PDZD2: variants seen among roughly 807,000 people sequenced by gnomAD.
PDZD2 encodes the protein PDZ domain-containing protein 2.
In PDZD2, 90 loss-of-function variants were observed where a neutral mutation model predicts 220.7. That is an observed-to-expected ratio of 0.41 (90% CI 0.34 to 0.49). The LOEUF is 0.49. PDZD2 is among the 20% of genes least tolerant of loss of function. The probability of loss-of-function intolerance (pLI) is 0.28; values close to 1 mark genes in which losing one functional copy is unlikely to be tolerated. For synonymous variants in PDZD2, 1,375 were observed against 1,450.5 expected, an observed-to-expected ratio of 0.95 and a Z score of 1.18; for missense variants, 3,174 against 3,608.5, an observed-to-expected ratio of 0.88 and a Z score of 3.08.
chr5:32,087,338 C>T lies in PDZD2; in HGVS notation c.3890C>T (p.Ala1297Val), dbSNP rs1444069183. The T allele has an allele frequency of 3.7e-6, 6 of 1,613,970 alleles. No homozygotes were observed. The highest frequency in any genetic ancestry group is 1.3e-5 in the African/African-American group (1 of 75,052). The change falls in exon 20 of 25, where the codon GCG (alanine) becomes GTG (valine). Residue 1297 changes from alanine (A) to valine (V), a missense_variant. Around this residue, in one of 4 missense-constraint regions of PDZD2, gnomAD observed 1,861 missense variants for 2,001.0 expected, o/e 0.93. Coordinates refer to ENST00000438447, the MANE Select transcript of PDZD2 (RefSeq NM_178140.4). This position sits in a 1 kb window ranked among gnomAD's most constrained non-coding sequence, Gnocchi z 4.0. Reference sequence around the variant, plus strand: ...AGCCCCTCCCCGGGGGAGAAAGCAGCGGCTCCCCCTGACTACAGCAAGACT... The same window carrying T: ...AGCCCCTCCCCGGGGGAGAAAGCAGTGGCTCCCCCTGACTACAGCAAGACT... ...EGSPSPGEKA[A>V]APPDYSKTRS... is the part of the protein sequence containing the mutation.
At chr5:31,967,404 C>T (rs1205300733) in intron 2 of PDZD2, among the ~76,000 whole-genome samples, 3 of 152,084 alleles carry the variant, frequency 2.0e-5, no homozygotes, top group Non-Finnish European at 2.9e-5. Flanking sequence ...CTTACTGGCC[C>T]GTTGTGACCT....
chr5:31,823,152 GGCAA>G, intron 2 of PDZD2: 1 of 98,040 alleles, frequency 1.0e-5, no homozygotes. Flanking sequence ...CAGTAGACGT[GGCAA>G]AAAAAAAAAA....
intron 1 of PDZD2, among the ~76,000 whole-genome samples, chr5:31,716,333 G>A (rs756389200): frequency 2.6e-5 from 4 of 152,188 alleles, no homozygotes; most frequent in Non-Finnish European, 4.4e-5. Context: ...CATGAAGAAA[G>A]AAGCTTATAC....
chr5:31,739,555 T>C (rs534669573), intron 1 of PDZD2, among the ~76,000 whole-genome samples: 1 of 151,968 alleles, frequency 6.6e-6, no homozygotes, highest in South Asian at 2.1e-4. Flanking sequence ...TAGCAGAAAA[T>C]GGGATTAAAA....
chr5:32,089,795 G>T lies in PDZD2; in HGVS notation c.6347G>T (p.Gly2116Val), dbSNP rs773494223. 1.4e-5 allele frequency: 22 copies of T among 1,614,104 alleles called. No individual in the cohort carries two copies. In the South Asian group the frequency reaches 2.4e-4, roughly 18 times the overall value. ...GNKPAESDRR[G>V]GCLAQGNCQE... ...AAGCCAGCTGAAAGCGACAGACGGGGAGGGTGCTTGGCCCAGGGCAACTGT... is the reference window on the plus strand; with the variant it reads ...AAGCCAGCTGAAAGCGACAGACGGGTAGGGTGCTTGGCCCAGGGCAACTGT... The change falls in exon 20 of 25, where the codon GGA becomes GTA. Residue 2116 changes from glycine (G) to valine (V), a missense_variant. Transcript: ENST00000438447.
chr5:31,960,942 G>C (rs1456396494), intron 2 of PDZD2, among the ~76,000 whole-genome samples: 1 of 152,122 alleles, frequency 6.6e-6, no homozygotes, highest in East Asian at 1.9e-4. Context: ...TGTAGGGACC[G>C]ACTGACTTAT....
chr5:31,988,515 G>T (rs899392146), intron 3 of PDZD2, among the ~76,000 whole-genome samples: 3 of 150,890 alleles, frequency 2.0e-5, no homozygotes, highest in Admixed American at 6.6e-5. Flanking sequence ...CACCATCCTG[G>T]AAGCTCTCCA....
intron 2 of PDZD2, among the ~76,000 whole-genome samples, chr5:31,825,820 G>A (rs1044837395): frequency 2.0e-5 from 3 of 152,122 alleles, no homozygotes; most frequent in African/African-American, 7.2e-5. Flanking sequence ...CTTGCTTTAC[G>A]TATATTGTAT....
At chr5:31,680,672 T>C (rs1249568422) in intron 1 of PDZD2, among the ~76,000 whole-genome samples, 1 of 152,186 alleles carries the variant, frequency 6.6e-6, no homozygotes, top group Non-Finnish European at 1.5e-5. Context: ...AGGCTTGTTG[T>C]GGCTCTGCAG....
chr5:31,851,666 C>T (rs1427033288), intron 2 of PDZD2, among the ~76,000 whole-genome samples: 1 of 152,144 alleles, frequency 6.6e-6, no homozygotes, highest in East Asian at 1.9e-4. Flanking sequence ...TTAAACCAGA[C>T]CCAAGACAAA....
chr5:31,705,175 TACACACACACACAC>T (rs755393785), intron 1 of PDZD2, among the ~76,000 whole-genome samples: 1 of 84,176 alleles, frequency 1.2e-5, no homozygotes, highest in Non-Finnish European at 2.2e-5. Flanking sequence ...AATACATGTA[TACACACACACACAC>T]ACACACACAC....
At chr5:31,845,166 G>A (rs1196069982) in intron 2 of PDZD2, among the ~76,000 whole-genome samples, 1 of 152,142 alleles carries the variant, frequency 6.6e-6, no homozygotes, top group Non-Finnish European at 1.5e-5. Context: ...CGGGGATAGG[G>A]GAAGGGTGTG....
At chr5:31,905,484 C>T (rs190875619) in intron 2 of PDZD2, among the ~76,000 whole-genome samples, 3 of 152,152 alleles carry the variant, frequency 2.0e-5, no homozygotes, top group Non-Finnish European at 4.4e-5. Flanking sequence ...AATCTTCCTC[C>T]GTGTTCTTGG....
In PDZD2 at chr5:31,858,976, A is replaced by G. The variant is rs546310687; in HGVS notation, c.476+59252A>G. On this transcript the variant is annotated intron_variant, in intron 2 of 24. Coordinates refer to ENST00000438447, the MANE Select transcript of PDZD2 (RefSeq NM_178140.4). ...TGAAGTGATCCGCCTCAGCCTCCCA[A>G]AGTGCTGGGATTACAGATGTGAGCC... is the stretch of plus-strand genomic sequence containing the variant. 2.6e-5 allele frequency among the ~76,000 whole-genome samples: 4 copies of G among 152,140 alleles called. No homozygotes were observed. In the East Asian group the frequency reaches 5.8e-4, roughly 22 times the overall value.
rs562466652 is a variant in PDZD2, at chr5:32,016,894, A to G, written c.1407+6412A>G. ...TCGTAGTGACATTGTTATTCAAGTGACAGCTCATTTAATGTCATCCTCCAT... is the reference window on the plus strand; with the variant it reads ...TCGTAGTGACATTGTTATTCAAGTGGCAGCTCATTTAATGTCATCCTCCAT... On this transcript the variant is annotated intron_variant, in intron 6 of 24. Coordinates refer to ENST00000438447, the MANE Select transcript of PDZD2 (RefSeq NM_178140.4). 1.8e-4 allele frequency among the ~76,000 whole-genome samples: 28 copies of G among 152,230 alleles called. No homozygotes were observed. The South Asian group carries it at 5.8e-3, about 32-fold the overall frequency.
chr5:31,863,278 T>C (rs925195898), intron 2 of PDZD2, among the ~76,000 whole-genome samples: 7 of 152,202 alleles, frequency 4.6e-5, no homozygotes, highest in Admixed American at 4.6e-4. Context: ...CAGATTGCCA[T>C]TGCCAGCAGC....
intron 2 of PDZD2, among the ~76,000 whole-genome samples, chr5:31,907,681 G>A (rs1742779062): frequency 6.6e-6 from 1 of 152,160 alleles, no homozygotes; most frequent in Non-Finnish European, 1.5e-5. Flanking sequence ...CATGCCTTAT[G>A]AAGAAAGTCT....
intron 2 of PDZD2, among the ~76,000 whole-genome samples, chr5:31,913,960 T>A (rs904126839): frequency 3.9e-5 from 6 of 151,950 alleles, no homozygotes; most frequent in African/African-American, 1.5e-4. Flanking sequence ...CAGCACACAC[T>A]CTCTACTGCT....
At chr5:31,931,442 G>C (rs1257854205) in intron 2 of PDZD2, among the ~76,000 whole-genome samples, 3 of 152,214 alleles carry the variant, frequency 2.0e-5, no homozygotes, top group African/African-American at 7.2e-5. Context: ...ACAGGCGTGA[G>C]GCGCTGTGCC....
Sources: allele counts gnomAD v4.1 joint callset (sites outside exome capture counted in the v4.1 genomes callset), GRCh38; gene constraint gnomAD v4.1.1; regional missense constraint gnomAD v4.1.1; non-coding constraint Gnocchi (gnomAD v3.1); transcripts MANE v1.5; gene names NCBI Gene and HGNC (gene_info 2026-07-23, HGNC 2026-07-21).